BAHCC1: variants seen among roughly 807,000 people sequenced by gnomAD.
The protein encoded by BAHCC1 is BAH and coiled-coil domain-containing protein 1.
Under a neutral mutation model 88.2 loss-of-function variants are expected in BAHCC1, and 43 were observed. That is an observed-to-expected ratio of 0.49 (90% CI 0.38 to 0.63). BAHCC1 has a LOEUF of 0.63. BAHCC1 is among the 20% of genes least tolerant of loss of function. The probability of loss-of-function intolerance (pLI) is 0.00; values close to 1 mark genes in which losing one functional copy is unlikely to be tolerated. For synonymous variants in BAHCC1, 1,510 were observed against 745.5 expected (o/e 2.03, Z -16.71); for missense variants, 3,023 against 1,654.8 (o/e 1.83, Z -14.34).
rs1488613783 is a variant in BAHCC1, at chr17:81,464,050, C to T, written c.*233C>T. ...CTCTGCGGAGGGTCGGGCTGTGGCC[C>T]TCATGGGTCCCCGGCCCGCCCCACC... is the stretch of plus-strand genomic sequence containing the variant. On this transcript the variant is annotated 3_prime_UTR_variant, in exon 28 of 28. Transcript: ENST00000675386. 1 of 581,738 alleles carries T rather than the reference C, an allele frequency of 1.7e-6. No homozygotes were observed. Among genetic ancestry groups the T allele is most frequent in the East Asian group, 2.8e-5 (1 of 35,168 alleles). 36.0% of individuals were successfully genotyped at this position (581,738 alleles called of 1,614,324 possible).
In BAHCC1 at chr17:81,442,316, G is replaced by C; in HGVS notation, c.967G>C (p.Glu323Gln). The change falls in exon 5 of 28, where the codon GAG becomes CAG. Residue 323 changes from glutamate to glutamine, a missense_variant. Physicochemically the swap from Glu to Gln is conservative, Grantham distance 29. Coordinates refer to ENST00000675386, the MANE Select transcript of BAHCC1 (RefSeq NM_001377448.1). ...GGTGACCTCCGGGCGCTGTGCAAAG[G>C]AGGCAGCAGGCCCCCCGGAGCCCGG... Reference protein sequence around the residue: ...GVVTSGRCAKEAAGPPEPGPA... With the variant: ...GVVTSGRCAKQAAGPPEPGPA... The C allele has an allele frequency of 1.5e-6, 1 of 671,056 alleles. No homozygotes were observed. The highest frequency in any genetic ancestry group is 2.3e-5 in the Admixed American group (1 of 43,998). The allele number at this position is 671,056 out of a possible 1,614,324, so 41.6% of individuals were successfully genotyped here.
chr17:81,442,761 T>C lies in BAHCC1; in HGVS notation c.1412T>C (p.Leu471Pro), dbSNP rs782588831. ...LNPRLKGLDY[L>P]SSAGPEASFP... ...CCCCGGCTAAAGGGCCTCGACTATC[T>C]CAGCAGCGCAGGCCCCGAGGCCTCC... Residue 471 changes from leucine to proline, a missense_variant, in exon 5 of 28, where the codon CTC becomes CCC. By Grantham distance (98) the Leu-to-Pro change is moderately conservative. Coordinates refer to ENST00000675386, the MANE Select transcript of BAHCC1 (RefSeq NM_001377448.1). 1.3e-6 allele frequency: 1 copy of C among 779,290 alleles called. No individual in the cohort carries two copies. Among genetic ancestry groups the C allele is most frequent in the Admixed American group, 1.7e-5 (1 of 59,020 alleles). The allele number at this position is 779,290 out of a possible 1,614,324, so 48.3% of individuals were successfully genotyped here. A position where few individuals can be genotyped will look rare whatever the true frequency, so the allele number is the denominator to read the frequency against.
chr17:81,411,049 C>T lies in BAHCC1; in HGVS notation c.178+11132C>T, dbSNP rs565053786. 16 of 518,508 alleles carry T rather than the reference C, an allele frequency of 3.1e-5. No individual in the cohort carries two copies. The highest frequency in any genetic ancestry group is 1.1e-4 in the East Asian group (2 of 18,330). 32.1% of individuals were successfully genotyped at this position (518,508 alleles called of 1,614,324 possible). ...TGTGTGAAGGCCTGGGGCCCCCGTGCGCCTCCCCTCGGGCCTGAGGGGTCC... is the reference window on the plus strand; with the variant it reads ...TGTGTGAAGGCCTGGGGCCCCCGTGTGCCTCCCCTCGGGCCTGAGGGGTCC... On this transcript the variant is annotated intron_variant, in intron 2 of 27. Transcript: ENST00000675386. The surrounding 1 kb of genome is among the most constrained non-coding windows in gnomAD (Gnocchi z 6.2).
chr17:81,411,620 G>C lies in BAHCC1; in HGVS notation c.178+11703G>C, dbSNP rs1598457322. On this transcript the variant is annotated intron_variant, in intron 2 of 27. Coordinates refer to ENST00000675386, the MANE Select transcript of BAHCC1 (RefSeq NM_001377448.1). This position sits in a 1 kb window ranked among gnomAD's most constrained non-coding sequence, Gnocchi z 6.2. Reference sequence around the variant, plus strand: ...ACCCACGAAGACGGGTGAGCTGCTGGCCACCCGAAGAGGGTGTGGGGTGGT... The same window carrying C: ...ACCCACGAAGACGGGTGAGCTGCTGCCCACCCGAAGAGGGTGTGGGGTGGT... The C allele has an allele frequency of 7.0e-6, 3 of 430,346 alleles. No homozygotes were observed. Among genetic ancestry groups the C allele is most frequent in the African/African-American group, 2.0e-5 (1 of 49,124 alleles). 26.7% of individuals were successfully genotyped at this position (430,346 alleles called of 1,614,324 possible).
chr17:81,430,984 C>T (rs1322044311), intron 3 of BAHCC1, among the ~76,000 whole-genome samples: 3 of 143,720 alleles, frequency 2.1e-5, no homozygotes, highest in Non-Finnish European at 4.5e-5. Flanking sequence ...CGTGGGGGTC[C>T]CGGCGTGGGG....
At chr17:81,432,893 C>A (rs1166709626) in intron 3 of BAHCC1, among the ~76,000 whole-genome samples, 4 of 13,958 alleles carry the variant, frequency 2.9e-4, no homozygotes, top group South Asian at 1.3e-3. Flanking sequence ...CCTCCCCCCC[C>A]ATCCCCAGGC....
At chr17:81,400,953 G>GT (rs2063808345) in intron 2 of BAHCC1, 2 of 152,618 alleles carry the variant, frequency 1.3e-5, no homozygotes, top group African/African-American at 2.4e-5. Flanking sequence ...GGTCACCCTG[G>GT]TACATGGGTG....
intron 2 of BAHCC1, among the ~76,000 whole-genome samples, chr17:81,426,451 TGTGGGTG>T (rs2064201056): frequency 1.7e-5 from 1 of 59,488 alleles, no homozygotes; most frequent in East Asian, 5.9e-4. Flanking sequence ...TTGGGGGTGA[TGTGGGTG>T]ATGTGGTTGG....
intron 2 of BAHCC1, chr17:81,415,451 C>T (rs9897258): frequency 0.82 from 380,330 of 463,904 alleles, 157,038 homozygotes; most frequent in East Asian, 1. Flanking sequence ...GTAACGCGAG[C>T]GCGAGGCCCC....
Position 81,460,526 on chromosome 17 carries a change from A to C in BAHCC1, c.6026-4A>C, listed in dbSNP as rs781913453. The C allele has an allele frequency of 8.1e-6, 6 of 744,182 alleles. No homozygotes were observed. The highest frequency in any genetic ancestry group is 1.5e-5 in the Non-Finnish European group (6 of 400,842). 46.1% of individuals were successfully genotyped at this position (744,182 alleles called of 1,614,324 possible). ...CTGAAGCCCTTGGCCCATGCTATCC[A>C]CAGGCACAGAGCCCTCTCCAGCCCT... is the stretch of plus-strand genomic sequence containing the variant. On this transcript the variant is annotated splice_region_variant and splice_polypyrimidine_tract_variant and intron_variant, in intron 24 of 27. Transcript: ENST00000675386.
At position 81,457,186 on chromosome 17, in the gene BAHCC1, AG is replaced by A. The variant is rs573835595; in HGVS notation, c.4859-223del. The stretch of plus-strand genomic sequence containing the variant: ...TGGGTGCCCTATTGCCCAGGGTATA[AG>A]AAAAAAACACCCCTCCCCACACCCA... On this transcript the variant is annotated intron_variant, in intron 16 of 27. Transcript: ENST00000675386. Among the ~76,000 whole-genome samples, 16 of 152,236 alleles carry A rather than the reference AG, an allele frequency of 1.1e-4. No homozygotes were observed. In the South Asian group the frequency reaches 3.3e-3, roughly 32 times the overall value.
At position 81,458,861 on chromosome 17, in the gene BAHCC1, G is replaced by A. The variant is rs1338288571; in HGVS notation, c.5497G>A (p.Glu1833Lys). Residue 1833 changes from glutamate (E) to lysine (K), a missense_variant, in exon 20 of 28, where the codon GAA becomes AAA. By Grantham distance (56) the Glu-to-Lys change is moderately conservative. Transcript: ENST00000675386. ...CCTGCTGGAAAGCTTCGCCGTGGAGGAAGACTTTGAGTTCGACGACAACAG... is the reference window on the plus strand; with the variant it reads ...CCTGCTGGAAAGCTTCGCCGTGGAGAAAGACTTTGAGTTCGACGACAACAG... ...SRLLESFAVE[E>K]DFEFDDNSSF... The A allele has an allele frequency of 1.2e-5, 9 of 773,532 alleles. No individual in the cohort carries two copies. Among genetic ancestry groups the A allele is most frequent in the Non-Finnish European group, 2.2e-5 (9 of 413,538 alleles). 47.9% of individuals were successfully genotyped at this position (773,532 alleles called of 1,614,324 possible).
intron 2 of BAHCC1, chr17:81,402,906 C>T (rs562077344): frequency 3.3e-5 from 5 of 152,296 alleles, no homozygotes; most frequent in South Asian, 2.1e-4. Flanking sequence ...AGACTCGGGC[C>T]GCAGGTTTTA....
At chr17:81,433,686 G>A (rs892805761) in intron 3 of BAHCC1, among the ~76,000 whole-genome samples, 20 of 151,664 alleles carry the variant, frequency 1.3e-4, no homozygotes, top group Non-Finnish European at 2.4e-4. Flanking sequence ...TGTGTGCCCC[G>A]GGCAGGTGTC....
intron 3 of BAHCC1, among the ~76,000 whole-genome samples, chr17:81,432,535 C>A (rs1226014144): frequency 6.8e-6 from 1 of 146,056 alleles, no homozygotes; most frequent in African/African-American, 2.5e-5. Flanking sequence ...ACCCACCCTC[C>A]CACCCATCAC....
chr17:81,439,474 G>A (rs1000150156), intron 4 of BAHCC1, among the ~76,000 whole-genome samples: 4 of 152,054 alleles, frequency 2.6e-5, no homozygotes, highest in African/African-American at 9.7e-5. Context: ...GGACGGTGGG[G>A]TGAGTTCTGC....
rs571448220 is a variant in BAHCC1 at position 81,399,297 on chromosome 17, C to T, written c.-206-237C>T. On this transcript the variant is annotated intron_variant, in intron 1 of 27. Coordinates refer to ENST00000675386, the MANE Select transcript of BAHCC1 (RefSeq NM_001377448.1). The surrounding 1 kb of genome is among the most constrained non-coding windows in gnomAD (Gnocchi z 4.5). The stretch of plus-strand genomic sequence containing the variant: ...CAGTGCGGCTGGGTTCCCCCGGCTG[C>T]CCCGGGCCAAGCGTGGCCGGGACGG... The T allele has an allele frequency of 1.3e-5, 4 of 305,464 alleles. No homozygotes were observed. The Admixed American group carries it at 1.6e-4, about 12-fold the overall frequency. 18.9% of individuals were successfully genotyped at this position (305,464 alleles called of 1,614,324 possible).
chr17:81,460,790 A>C (rs1304918378), intron 25 of BAHCC1, 76 bp from the exon 26 acceptor site: 2 of 772,542 alleles, frequency 2.6e-6, no homozygotes, highest in Non-Finnish European at 4.8e-6. Flanking sequence ...TGGGGTAGGC[A>C]GGGTCCGGGG....
rs1397316714 is a variant in BAHCC1 at position 81,443,442 on chromosome 17, T to C, written c.2093T>C (p.Val698Ala). The change falls in exon 5 of 28, where the codon GTG (valine) becomes GCG (alanine). Residue 698 changes from valine to alanine, a missense_variant. Val to Ala is a moderately conservative substitution (Grantham distance 64). Transcript: ENST00000675386. ...EHDTTHGDGE[V>A]RQPPVGIAVA... Reference sequence around the variant, plus strand: ...GACACCACGCACGGCGACGGGGAGGTGCGGCAGCCCCCTGTGGGCATTGCA... The same window carrying C: ...GACACCACGCACGGCGACGGGGAGGCGCGGCAGCCCCCTGTGGGCATTGCA... 2.7e-6 allele frequency: 2 copies of C among 747,502 alleles called. No homozygotes were observed. The highest frequency in any genetic ancestry group is 1.7e-5 in the African/African-American group (1 of 58,220). 46.3% of individuals were successfully genotyped at this position (747,502 alleles called of 1,614,324 possible).
Sources: gnomAD v4.1 joint callset for allele counts (sites outside exome capture counted in the v4.1 genomes callset) on GRCh38, gnomAD v4.1.1 for gene constraint, Gnocchi (gnomAD v3.1) non-coding constraint, MANE v1.5 for transcripts, NCBI Gene and HGNC (gene_info 2026-07-23, HGNC 2026-07-21) for gene names.